The following DLG2 variants were observed in gnomAD, a reference collection of about 807,000 sequenced individuals.
DLG2 encodes discs large MAGUK scaffold protein 2, also known as disks large homolog 2.
DLG2 carries 45 observed loss-of-function variants against 132.5 expected under a neutral mutation model. That is an observed-to-expected ratio of 0.34 (90% CI 0.27 to 0.44). The LOEUF is 0.44. DLG2 is among the 20% of genes least tolerant of loss of function. DLG2 has a pLI of 1.00. For missense variants in DLG2, 1,045 were observed against 1,196.9 expected, an observed-to-expected ratio of 0.87 and a Z score of 1.87; for synonymous variants, 424 against 419.6, an observed-to-expected ratio of 1.01 and a Z score of -0.13.
intron 19 of DLG2, among the ~76,000 whole-genome samples, chr11:83,578,327 G>A (rs1044277227): frequency 6.6e-6 from 1 of 151,670 alleles, no homozygotes; most frequent in Non-Finnish European, 1.5e-5. Flanking sequence ...CAATTATCCA[G>A]TAAACCTCCA....
At chr11:84,089,607 A>C (rs2154167909) in intron 10 of DLG2, among the ~76,000 whole-genome samples, 1 of 152,342 alleles carries the variant, frequency 6.6e-6, no homozygotes, top group Middle Eastern at 3.4e-3. Context: ...ACCTCAGTAT[A>C]ATCATTATTC....
Position 85,011,805 on chromosome 11 carries a change from C to G in DLG2, c.357+99856G>C, listed in dbSNP as rs573631967. On this transcript the variant is annotated intron_variant, in intron 6 of 27. Coordinates refer to ENST00000376104, the MANE Select transcript of DLG2 (RefSeq NM_001142699.3). ...CCTCCATCTATACAGTTTTATCCTA[C>G]TATGGACAGGGAGTGGAGTTTTCTG... 7.9e-5 allele frequency among the ~76,000 whole-genome samples: 12 copies of G among 152,306 alleles called. No individual in the cohort carries two copies. The South Asian group carries it at 8.3e-4, about 11-fold the overall frequency.
intron 4 of DLG2, among the ~76,000 whole-genome samples, chr11:85,279,271 G>A (rs1186908724): frequency 1.3e-5 from 2 of 152,072 alleles, no homozygotes; most frequent in African/African-American, 2.4e-5. Context: ...ACCAATGTGT[G>A]CAAAGGTAGG....
intron 21 of DLG2, among the ~76,000 whole-genome samples, chr11:83,484,808 AAAG>A: frequency 6.6e-6 from 1 of 152,312 alleles, no homozygotes; most frequent in Non-Finnish European, 1.5e-5. Context: ...AAAACTGCAC[AAAG>A]AAGTATGTAG....
chr11:85,086,309 T>C (rs2067913161), intron 6 of DLG2, among the ~76,000 whole-genome samples: 1 of 152,158 alleles, frequency 6.6e-6, no homozygotes, highest in African/African-American at 2.4e-5. Flanking sequence ...TCTGACACTA[T>C]GCATAGAATC....
intron 6 of DLG2, among the ~76,000 whole-genome samples, chr11:84,918,879 T>C (rs1388961067): frequency 1.3e-5 from 2 of 152,142 alleles, no homozygotes; most frequent in Non-Finnish European, 2.9e-5. Flanking sequence ...AAATGTGAGA[T>C]TCGCTTAATG....
At chr11:85,565,853 C>A (rs1271591606) in intron 3 of DLG2, among the ~76,000 whole-genome samples, 10 of 152,054 alleles carry the variant, frequency 6.6e-5, no homozygotes, top group Admixed American at 5.3e-4. Flanking sequence ...ATTTTCAATT[C>A]TCTTGGGTAT....
intron 19 of DLG2, among the ~76,000 whole-genome samples, chr11:83,613,463 C>T (rs942122425): frequency 6.6e-6 from 1 of 152,172 alleles, no homozygotes; most frequent in Non-Finnish European, 1.5e-5. Context: ...AATGTGAGAA[C>T]TCTGATTTTC....
chr11:84,754,682 A>AAATACTC (rs2066624398), intron 6 of DLG2, among the ~76,000 whole-genome samples: 2 of 152,208 alleles, frequency 1.3e-5, no homozygotes, highest in African/African-American at 4.8e-5. Flanking sequence ...AAGACAGTCA[A>AAATACTC]AATACTCCTT....
rs143477725 is a variant in DLG2, at chr11:84,449,103, C to G, written c.519+85467G>C. On this transcript the variant is annotated intron_variant, in intron 7 of 27. Transcript: ENST00000376104. ...CAAAGTGCTTCAGAAAACACCATTT[C>G]TAAAGGTAAATCACTGACACTTATT... Among the ~76,000 whole-genome samples, 562 of 152,022 alleles carry G rather than the reference C, an allele frequency of 3.7e-3. 3 individuals are homozygous for G. Among genetic ancestry groups the G allele is most frequent in the Non-Finnish European group, 6.4e-3 (434 of 67,828 alleles).
At chr11:84,165,120 T>C (rs1031462544) in intron 8 of DLG2, among the ~76,000 whole-genome samples, 1 of 152,208 alleles carries the variant, frequency 6.6e-6, no homozygotes, top group African/African-American at 2.4e-5. Flanking sequence ...ATTAACGAGA[T>C]ACATTTTCAT....
At chr11:83,606,691 G>A (rs2059381807) in intron 19 of DLG2, among the ~76,000 whole-genome samples, 1 of 151,946 alleles carries the variant, frequency 6.6e-6, no homozygotes. Context: ...ACTTTGGGAG[G>A]CTGAGGCGGG....
chr11:85,546,918 T>G (rs1341417234), intron 3 of DLG2, among the ~76,000 whole-genome samples: 1 of 151,812 alleles, frequency 6.6e-6, no homozygotes, highest in Non-Finnish European at 1.5e-5. Context: ...GAGATGGGTT[T>G]GCTGAATACA....
intron 6 of DLG2, among the ~76,000 whole-genome samples, chr11:84,906,688 G>T (rs2091555890): frequency 6.6e-6 from 1 of 151,976 alleles, no homozygotes; most frequent in Non-Finnish European, 1.5e-5. Context: ...AATAATCAAA[G>T]AAATACACAT....
At chr11:84,844,129 GTGTGTGTATATATATATA>G (rs1256088052) in intron 6 of DLG2, among the ~76,000 whole-genome samples, 2 of 25,910 alleles carry the variant, frequency 7.7e-5, no homozygotes, top group African/African-American at 2.2e-4. Flanking sequence ...GTGTGTGTGT[GTGTGTGTATATATATATA>G]TATATATATA....
intron 21 of DLG2, among the ~76,000 whole-genome samples, chr11:83,524,021 A>C (rs2095547125): frequency 6.6e-6 from 1 of 152,176 alleles, no homozygotes; most frequent in Non-Finnish European, 1.5e-5. Context: ...TTGGAATCTA[A>C]AGAAAAGAGT....
rs1483867432 is a variant in DLG2 at position 83,960,342 on chromosome 11, C to T, written c.1340+2543G>A. On this transcript the variant is annotated intron_variant, in intron 14 of 27. Coordinates refer to ENST00000376104, the MANE Select transcript of DLG2 (RefSeq NM_001142699.3). ...TGCTACATAAGGGCACTTTAGAGAACTGACCCTACTTTTGCTTGCTTGCTT... is the reference window on the plus strand; with the variant it reads ...TGCTACATAAGGGCACTTTAGAGAATTGACCCTACTTTTGCTTGCTTGCTT... 2.0e-5 allele frequency among the ~76,000 whole-genome samples: 3 copies of T among 152,064 alleles called. No individual in the cohort carries two copies. The East Asian group carries it at 5.8e-4, about 29-fold the overall frequency.
chr11:84,720,563 G>A (rs1199679509), intron 6 of DLG2: 1 of 844,832 alleles, frequency 1.2e-6, no homozygotes, highest in Non-Finnish European at 1.4e-6. Flanking sequence ...GGCAAGTACC[G>A]AGCCTCTCGG....
At chr11:85,550,267 C>T (rs1429346613) in intron 3 of DLG2, among the ~76,000 whole-genome samples, 3 of 152,202 alleles carry the variant, frequency 2.0e-5, no homozygotes, top group Non-Finnish European at 2.9e-5. Context: ...GTGGAGGGCC[C>T]ACTGAGCTGT....
Sources: gnomAD v4.1 joint callset for allele counts (sites outside exome capture counted in the v4.1 genomes callset) on GRCh38, gnomAD v4.1.1 for gene constraint, MANE v1.5 for transcripts, NCBI Gene and HGNC (gene_info 2026-07-23, HGNC 2026-07-21) for gene names.